Variants in MMP27 observed in about 807,000 individuals in gnomAD.
The protein encoded by MMP27 is matrix metalloproteinase-27.
A neutral mutation model predicts 48.1 loss-of-function variants in MMP27; 51 were observed. The ratio of observed to expected loss-of-function variants is 1.06; its 90% CI spans 0.85 to 1.34. The LOEUF is 1.34. Among genes scored for constraint, MMP27 ranks in the 40% most tolerant of loss-of-function variants. The pLI is 0.00. For missense variants in MMP27, 698 were observed against 619.3 expected (o/e 1.13, Z -1.35); for synonymous variants, 229 against 208.9 (o/e 1.10, Z -0.83).
rs769932297 is a variant in MMP27 at position 102,696,456 on chromosome 11, G to T, written c.817C>A (p.Pro273Thr). 1.9e-6 allele frequency: 3 copies of T among 1,613,790 alleles called. No individual in the cohort carries two copies. In the South Asian group the frequency reaches 3.3e-5, roughly 18 times the overall value. The change falls in exon 6 of 10, where the codon CCC becomes ACC. Residue 273 changes from proline (P) to threonine (T), a missense_variant. Transcript: ENST00000260229. ...LPKEPAKPKE[P>T]TIPHACDPDL... is the part of the protein sequence containing the mutation. ...GGGTCACAGGCATGGGGTATAGTGG[G>T]TTCCTTTGGCTTAGCAGGTTCCTTA...
rs760102124 is a variant in MMP27, at chr11:102,696,758, A to C, written c.697T>G (p.Leu233Val). The C allele has an allele frequency of 6.2e-7, 1 of 1,613,858 alleles. No homozygotes were observed. The highest frequency in any genetic ancestry group is 8.5e-7 in the Non-Finnish European group (1 of 1,179,914). The change falls in exon 5 of 10, where the codon TTG becomes GTG. Residue 233 changes from leucine (L) to valine (V), a missense_variant. Physicochemically the swap from Leu to Val is conservative, Grantham distance 32. Coordinates refer to ENST00000260229, the MANE Select transcript of MMP27 (RefSeq NM_022122.3). Reference sequence around the variant, plus strand: ...AGGGAGACATAATTTGGGAACATCAAGGCTGTTTGATCATTGGAGTGAGAG... The same window carrying C: ...AGGGAGACATAATTTGGGAACATCACGGCTGTTTGATCATTGGAGTGAGAG... Reference protein sequence around the residue: ...GLSHSNDQTALMFPNYVSLDP... With the variant: ...GLSHSNDQTAVMFPNYVSLDP...
intron 4 of MMP27, among the ~76,000 whole-genome samples, chr11:102,698,423 G>A (rs1860874670): frequency 6.6e-6 from 1 of 151,798 alleles, no homozygotes; most frequent in Admixed American, 6.6e-5. Flanking sequence ...GAAAAATATA[G>A]CCTAGGGTAA....
At chr11:102,695,863 T>A (rs1386202099) in intron 6 of MMP27, among the ~76,000 whole-genome samples, 1 of 152,232 alleles carries the variant, frequency 6.6e-6, no homozygotes, top group Non-Finnish European at 1.5e-5. Context: ...AACACTTTAT[T>A]GATGCAACTT....
rs368255009 is a variant in MMP27 at position 102,705,681 on chromosome 11, T to C, written c.34A>G (p.Ile12Val). ...KRLLLLFLFF[I>V]TFSSAFPLVR... ...AAGGGAAATGCAGAAGAAAATGTTA[T>C]AAAGAACAAAAACAGAAGCAGAAGG... is the stretch of plus-strand genomic sequence containing the variant. The change falls in exon 1 of 10, where the codon ATA (isoleucine) becomes GTA (valine). Residue 12 changes from isoleucine (I) to valine (V), a missense_variant. By Grantham distance (29) the Ile-to-Val change is conservative. Coordinates refer to ENST00000260229, the MANE Select transcript of MMP27 (RefSeq NM_022122.3). The C allele has an allele frequency of 2.5e-5, 40 of 1,607,166 alleles. No homozygotes were observed. The African/African-American group carries it at 3.9e-4, about 16-fold the overall frequency.
In MMP27 at chr11:102,702,780, C is replaced by T. The variant is rs1860966070; in HGVS notation, c.592G>A (p.Asp198Asn). 8 of 1,613,576 alleles carry T rather than the reference C, an allele frequency of 5.0e-6. No individual in the cohort carries two copies. The East Asian group carries it at 1.1e-4, about 22-fold the overall frequency. ...GLGGDTHFDEDENWTKDGAGF... is the reference protein window; with the variant it reads ...GLGGDTHFDENENWTKDGAGF... Reference sequence around the variant, plus strand: ...GCTCCATCCTTGGTCCAGTTTTCATCCTCATCAAAATGAGTGTCACCACCC... The same window carrying T: ...GCTCCATCCTTGGTCCAGTTTTCATTCTCATCAAAATGAGTGTCACCACCC... Residue 198 changes from aspartate to asparagine, a missense_variant, in exon 4 of 10, where the codon GAT (aspartate) becomes AAT (asparagine). Transcript: ENST00000260229.
chr11:102,701,042 C>T (rs1012649068), intron 4 of MMP27, among the ~76,000 whole-genome samples: 1 of 152,108 alleles, frequency 6.6e-6, no homozygotes, highest in African/African-American at 2.4e-5. Flanking sequence ...TTGGAGATTA[C>T]GTTTGCTTGA....
At chr11:102,692,670 A>T (rs1013397736) in intron 9 of MMP27, among the ~76,000 whole-genome samples, 2 of 152,160 alleles carry the variant, frequency 1.3e-5, no homozygotes, top group African/African-American at 4.8e-5. Context: ...GTCACTTCGC[A>T]CACTTTAGGG....
At chr11:102,698,466 G>A (rs1321083114) in intron 4 of MMP27, among the ~76,000 whole-genome samples, 3 of 129,176 alleles carry the variant, frequency 2.3e-5, no homozygotes, top group South Asian at 5.6e-4. Context: ...CTCAGAAATG[G>A]ATAATATTAA....
chr11:102,693,842 A>G, intron 8 of MMP27, 64 bp downstream of exon 8: 1 of 1,338,636 alleles, frequency 7.5e-7, no homozygotes, highest in Admixed American at 2.5e-5. Flanking sequence ...TCTGTGTCAA[A>G]GTGATGCTAT....
At chr11:102,702,412 C>G (rs1488251093) in intron 4 of MMP27, among the ~76,000 whole-genome samples, 1 of 152,200 alleles carries the variant, frequency 6.6e-6, no homozygotes. Context: ...TGTGGGCTGG[C>G]CTTGTGTACC....
At chr11:102,700,049 C>A (rs929421439) in intron 4 of MMP27, among the ~76,000 whole-genome samples, 4 of 152,182 alleles carry the variant, frequency 2.6e-5, no homozygotes, top group Admixed American at 2.6e-4. Context: ...ACTGATCCTA[C>A]TGATTTTAGT....
At chr11:102,694,377 G>A (rs1011172597) in intron 7 of MMP27, among the ~76,000 whole-genome samples, 1 of 152,084 alleles carries the variant, frequency 6.6e-6, no homozygotes, top group African/African-American at 2.4e-5. Flanking sequence ...ACATCACATT[G>A]TACCCCATAA....
At chr11:102,701,556 G>A (rs1860940567) in intron 4 of MMP27, among the ~76,000 whole-genome samples, 1 of 152,190 alleles carries the variant, frequency 6.6e-6, no homozygotes, top group Non-Finnish European at 1.5e-5. Flanking sequence ...AAGAAATATT[G>A]AAACATGTCT....
rs187035823 is a variant in MMP27 at position 102,696,550 on chromosome 11, A to C, written c.782-59T>G. 78 of 1,600,276 alleles carry C rather than the reference A, an allele frequency of 4.9e-5. No homozygotes were observed. The East Asian group carries it at 1.7e-3, about 35-fold the overall frequency. ...AGAGGGCATGAAGAAATATGCCTAC[A>C]CAAGGGTCTTACCTAAGTGGATATT... On this transcript the variant is annotated intron_variant, in intron 5 of 9. Coordinates refer to ENST00000260229, the MANE Select transcript of MMP27 (RefSeq NM_022122.3).
rs528956085 is a variant in MMP27, at chr11:102,700,097, G to T, written c.619+2656C>A. On this transcript the variant is annotated intron_variant, in intron 4 of 9. Coordinates refer to ENST00000260229, the MANE Select transcript of MMP27 (RefSeq NM_022122.3). The stretch of plus-strand genomic sequence containing the variant: ...GTCTATGTGTCCCTTAGACAGTGAA[G>T]CCCTGGAGGGCAGCTTCTGTGTCCT... Among the ~76,000 whole-genome samples the T allele has an allele frequency of 2.0e-5, 3 of 152,306 alleles. No individual in the cohort carries two copies. In the South Asian group the frequency reaches 6.2e-4, roughly 32 times the overall value.
chr11:102,692,241 C>CA (rs1196726655), intron 9 of MMP27, among the ~76,000 whole-genome samples: 1 of 152,182 alleles, frequency 6.6e-6, no homozygotes, highest in East Asian at 1.9e-4. Context: ...TTTTACCTTT[C>CA]TAGCCAGACT....
intron 7 of MMP27, among the ~76,000 whole-genome samples, chr11:102,694,654 T>A (rs1024843508): frequency 4.6e-5 from 7 of 152,344 alleles, no homozygotes; most frequent in African/African-American, 1.7e-4. Flanking sequence ...TATATTTTTA[T>A]TTGCCAAATC....
In MMP27 at chr11:102,692,959, C is replaced by T; in HGVS notation, c.1276G>A (p.Asp426Asn). Reference protein sequence around the residue: ...KHFPGISIRVDAAFQYKGFFF... With the variant: ...KHFPGISIRVNAAFQYKGFFF... ...TTACCTTTGTACTGGAAAGCAGCAT[C>T]AACACGGATACTGATTCCAGGAAAG... Residue 426 changes from aspartate (D) to asparagine (N), a missense_variant, in exon 9 of 10, where the codon GAT becomes AAT. Transcript: ENST00000260229. 1 of 1,613,692 alleles carries T rather than the reference C, an allele frequency of 6.2e-7. No individual in the cohort carries two copies. The highest frequency in any genetic ancestry group is 8.5e-7 in the Non-Finnish European group (1 of 1,179,714).
At position 102,694,965 on chromosome 11, in the gene MMP27, A is replaced by G; in HGVS notation, c.1033+2T>C. The G allele has an allele frequency of 1.2e-6, 2 of 1,613,816 alleles. No individual in the cohort carries two copies. Among genetic ancestry groups the G allele is most frequent in the South Asian group, 1.1e-5 (1 of 91,072 alleles). On this transcript the variant is annotated splice_donor_variant, in intron 7 of 9. Coordinates refer to ENST00000260229, the MANE Select transcript of MMP27 (RefSeq NM_022122.3). LOFTEE classifies it high-confidence loss of function. ...AAGAGGAATCGGGATGGGCCAGGTT[A>G]CCTTTAAAAACCAGAATCTTATCTC...
Sources: gnomAD v4.1 joint callset for allele counts (sites outside exome capture counted in the v4.1 genomes callset) on GRCh38, gnomAD v4.1.1 for gene constraint, MANE v1.5 for transcripts, NCBI Gene and HGNC (gene_info 2026-07-23, HGNC 2026-07-21) for gene names.